The following TMEM232 variants were observed in gnomAD, a reference collection of about 807,000 sequenced individuals.
TMEM232 encodes transmembrane protein 232.
A neutral mutation model predicts 78.8 loss-of-function variants in TMEM232; 80 were observed. The observed-to-expected ratio is 1.01, with a 90% confidence interval of 0.85 to 1.22. TMEM232 has a LOEUF of 1.22. Ranked by LOEUF, TMEM232 falls within the 50% of genes most tolerant of loss-of-function variation. The pLI, the probability that TMEM232 is intolerant of heterozygous loss-of-function variation, is 0.00. For synonymous variants in TMEM232, 297 were observed against 254.3 expected (o/e 1.17, Z -1.60); for missense variants, 881 against 742.2 (o/e 1.19, Z -2.17).
chr5:110,568,562 TCCC>T lies in TMEM232; in HGVS notation c.1337_1339del (p.Trp446_Glu447delinsTer). The T allele has an allele frequency of 1.3e-6, 2 of 1,549,728 alleles. No homozygotes were observed. The highest frequency in any genetic ancestry group is 1.7e-6 in the Non-Finnish European group (2 of 1,145,824). On this transcript the variant is annotated stop_gained and inframe_deletion, in exon 11 of 14. Transcript: ENST00000455884. LOFTEE classifies it high-confidence loss of function. ...ATCCTGTTCTTCGTCTCCTTGAAGT[TCCC>T]ATGAAATTTTCACCAGGTTATACAC...
chr5:110,648,717 A>G (rs1482368082), intron 2 of TMEM232, among the ~76,000 whole-genome samples: 1 of 152,124 alleles, frequency 6.6e-6, no homozygotes, highest in African/African-American at 2.4e-5. Context: ...TGATTGACAC[A>G]TTATACCTAG....
intron 2 of TMEM232, among the ~76,000 whole-genome samples, chr5:110,644,607 A>G (rs1463569939): frequency 6.6e-6 from 1 of 151,828 alleles, no homozygotes; most frequent in East Asian, 1.9e-4. Flanking sequence ...TCTGGGATGC[A>G]GCAAAAGCAG....
At chr5:110,557,423 G>A (rs73222657) in intron 11 of TMEM232, among the ~76,000 whole-genome samples, 6,381 of 152,200 alleles carry the variant, frequency 0.042, 433 homozygotes, top group African/African-American at 0.15. Flanking sequence ...GAGCTAGTGT[G>A]GTAATTTGGA....
At chr5:110,615,442 GGAAAAGAGTGCTCTCT>G (rs1484841506) in intron 8 of TMEM232, among the ~76,000 whole-genome samples, 1 of 151,686 alleles carries the variant, frequency 6.6e-6, no homozygotes, top group Non-Finnish European at 1.5e-5. Flanking sequence ...TTTAAATATT[GGAAAAGAGTGCTCTCT>G]GATCAGTTTC....
At chr5:110,388,498 C>T (rs1755062232) in intron 4 of TMEM232, among the ~76,000 whole-genome samples, 1 of 152,122 alleles carries the variant, frequency 6.6e-6, no homozygotes, top group Non-Finnish European at 1.5e-5. Flanking sequence ...TTGGGGGTTG[C>T]TTTTTATTAA....
At chr5:110,579,551 A>G (rs1229156634) in intron 10 of TMEM232, among the ~76,000 whole-genome samples, 3 of 151,832 alleles carry the variant, frequency 2.0e-5, no homozygotes, top group Non-Finnish European at 2.9e-5. Flanking sequence ...TAAGCATAAA[A>G]TGTTTATTAG....
intron 11 of TMEM232, among the ~76,000 whole-genome samples, chr5:110,537,452 T>C (rs1772531192): frequency 6.6e-6 from 1 of 152,112 alleles, no homozygotes; most frequent in Non-Finnish European, 1.5e-5. Context: ...CAGACCTTCA[T>C]GGCCCTATAC....
At chr5:110,727,801 T>C (rs982203737), upstream of TMEM232, among the ~76,000 whole-genome samples, 3 of 152,186 alleles carry the variant, frequency 2.0e-5, no homozygotes, top group African/African-American at 7.2e-5. Flanking sequence ...CTCTGACGTA[T>C]CACTCCTAGA....
At chr5:110,554,915 A>G (rs774187590) in intron 11 of TMEM232, among the ~76,000 whole-genome samples, 9 of 152,006 alleles carry the variant, frequency 5.9e-5, no homozygotes, top group Non-Finnish European at 1.0e-4. Context: ...GAATTTATCT[A>G]TTCCTTCTAG....
At chr5:110,724,947 T>C (rs1374335494) in intron 1 of TMEM232, among the ~76,000 whole-genome samples, 2 of 152,174 alleles carry the variant, frequency 1.3e-5, no homozygotes, top group African/African-American at 4.8e-5. Context: ...ATATTACTGT[T>C]GAAAACGCAA....
At chr5:110,392,824 A>T (rs1755252339) in intron 3 of TMEM232, among the ~76,000 whole-genome samples, 1 of 152,194 alleles carries the variant, frequency 6.6e-6, no homozygotes. Context: ...ATGACCTAAC[A>T]TGGAGTCCCT....
downstream of TMEM232, among the ~76,000 whole-genome samples, chr5:110,415,848 C>T (rs1478407374): frequency 3.3e-5 from 5 of 152,032 alleles, no homozygotes; most frequent in Non-Finnish European, 5.9e-5. Context: ...TTACCTTATT[C>T]GTTAATTTAT....
At chr5:110,610,253 A>AGGGAGGAAGGGAGGAAGGGAGGAG (rs1782070747) in intron 8 of TMEM232, among the ~76,000 whole-genome samples, 1 of 141,386 alleles carries the variant, frequency 7.1e-6, no homozygotes, top group South Asian at 2.4e-4. Flanking sequence ...GAAGGGAGGA[A>AGGGAGGAAGGGAGGAAGGGAGGAG]GGGAGGAAGG....
At chr5:110,421,908 A>T (rs1282883096) in intron 13 of TMEM232, among the ~76,000 whole-genome samples, 1 of 152,208 alleles carries the variant, frequency 6.6e-6, no homozygotes, top group Non-Finnish European at 1.5e-5. Flanking sequence ...AACTGCACTT[A>T]TCTTAAGGCT....
At chr5:110,705,038 C>T (rs1185281231) in intron 1 of TMEM232, among the ~76,000 whole-genome samples, 1 of 152,008 alleles carries the variant, frequency 6.6e-6, no homozygotes, top group East Asian at 1.9e-4. Context: ...ATTTGAGGAT[C>T]CAACCAGAGA....
intron 12 of TMEM232, among the ~76,000 whole-genome samples, chr5:110,474,911 A>C (rs1459968247): frequency 1.3e-5 from 2 of 151,998 alleles, no homozygotes; most frequent in Non-Finnish European, 2.9e-5. Context: ...ATGATCATAG[A>C]CCAAAAGATA....
intron 2 of TMEM232, among the ~76,000 whole-genome samples, chr5:110,665,708 T>C (rs78379446): frequency 0.021 from 3,163 of 152,088 alleles, 101 homozygotes; most frequent in African/African-American, 0.072. Flanking sequence ...TGGGGACATA[T>C]AGCCAACCTG....
At chr5:110,608,302 A>G (rs1023294955) in intron 8 of TMEM232, among the ~76,000 whole-genome samples, 1 of 151,976 alleles carries the variant, frequency 6.6e-6, no homozygotes, top group African/African-American at 2.4e-5. Context: ...AATTCCAAAC[A>G]TACTATTTCT....
chr5:110,711,248 G>A (rs921260128), intron 1 of TMEM232, among the ~76,000 whole-genome samples: 8 of 152,066 alleles, frequency 5.3e-5, no homozygotes, highest in Non-Finnish European at 1.0e-4. Flanking sequence ...ACTGGTGAAA[G>A]AAATTGAAGA....
Sources: allele counts gnomAD v4.1 joint callset (sites outside exome capture counted in the v4.1 genomes callset), GRCh38; gene constraint gnomAD v4.1.1; transcripts MANE v1.5; gene names NCBI Gene and HGNC (gene_info 2026-07-23, HGNC 2026-07-21).